TTC3: variants seen among roughly 807,000 people sequenced by gnomAD.
TTC3 encodes the protein E3 ubiquitin-protein ligase TTC3.
A neutral mutation model predicts 249.6 loss-of-function variants in TTC3; 180 were observed. The observed-to-expected ratio is 0.72, with a 90% CI of 0.64 to 0.82. The LOEUF (loss-of-function observed/expected upper bound fraction) is 0.82. Among genes scored for constraint, TTC3 ranks in the 40% least tolerant of loss-of-function variants. The pLI is 0.00. For synonymous variants in TTC3, 717 were observed against 805.0 expected (o/e 0.89, Z 1.85); for missense variants, 2,061 against 2,398.4 (o/e 0.86, Z 2.94).
chr21:37,110,313 A>G (rs1047856672), intron 11 of TTC3, among the ~76,000 whole-genome samples: 1 of 152,204 alleles, frequency 6.6e-6, no homozygotes, highest in African/African-American at 2.4e-5. Flanking sequence ...ACTTTGAAAA[A>G]AAATTAGATG....
chr21:37,096,350 A>G (rs2073941982), intron 9 of TTC3, among the ~76,000 whole-genome samples: 1 of 152,222 alleles, frequency 6.6e-6, no homozygotes, highest in African/African-American at 2.4e-5. Flanking sequence ...AACTAGAGTT[A>G]TCTTCATTTT....
At chr21:37,159,035 A>G (rs1031037330) in intron 28 of TTC3, among the ~76,000 whole-genome samples, 1 of 152,150 alleles carries the variant, frequency 6.6e-6, no homozygotes, top group Admixed American at 6.5e-5. Flanking sequence ...CAATTTGGGA[A>G]ACATTTGTTT....
chr21:37,077,465 C>T (rs920641287), intron 1 of TTC3, among the ~76,000 whole-genome samples: 1 of 152,164 alleles, frequency 6.6e-6, no homozygotes, highest in Non-Finnish European at 1.5e-5. Context: ...GAATGATCAG[C>T]TTTACAAAAT....
intron 23 of TTC3, 101 bp from the exon 24 acceptor site, chr21:37,149,977 C>T (rs775358567): frequency 1.6e-5 from 13 of 803,316 alleles, no homozygotes; most frequent in Non-Finnish European, 2.3e-5. Flanking sequence ...GGTTTTAGTC[C>T]GTATTTTGAC....
At chr21:37,076,545 G>T (rs962648365) in intron 1 of TTC3, among the ~76,000 whole-genome samples, 1 of 152,080 alleles carries the variant, frequency 6.6e-6, no homozygotes, top group African/African-American at 2.4e-5. Flanking sequence ...CCTAAAAATG[G>T]TAATGCCTGA....
At chr21:37,097,922 T>TC in intron 10 of TTC3, 1 of 713,180 alleles carries the variant, frequency 1.4e-6, no homozygotes, top group Non-Finnish European at 2.6e-6. Context: ...CAGAACACAT[T>TC]CTCATGGTAG....
intron 1 of TTC3, chr21:37,082,654 G>A (rs933426806): frequency 2.0e-5 from 20 of 985,116 alleles, no homozygotes; most frequent in Non-Finnish European, 2.4e-5. Flanking sequence ...CTTTTGCGTG[G>A]AGAGGGTGCC....
chr21:37,185,028 G>A (rs1054304936), intron 36 of TTC3, among the ~76,000 whole-genome samples: 1 of 152,162 alleles, frequency 6.6e-6, no homozygotes, highest in African/African-American at 2.4e-5. Context: ...GAGTGTCAGA[G>A]TGTCACCCAG....
chr21:37,156,691 G>C (rs2080123604), exon 28 of TTC3: 1 of 1,613,720 alleles, frequency 6.2e-7, no homozygotes. Context: ...TCTCGTTATG[G>C]AGCATCTCTT....
exon 42 of TTC3, chr21:37,195,708 G>C (rs1053966): frequency 0.55 from 883,515 of 1,612,922 alleles, 250,763 homozygotes; most frequent in African/African-American, 0.86. Context: ...GTCTTCAGGC[G>C]ACGATGGCCA....
chr21:37,139,871 C>T (rs554132694), intron 19 of TTC3, among the ~76,000 whole-genome samples: 24 of 152,246 alleles, frequency 1.6e-4, no homozygotes, highest in African/African-American at 5.5e-4. Context: ...GAGGACAGCC[C>T]TTGCTTCAAA....
At chr21:37,198,448 G>A (rs1376688957) in intron 44 of TTC3, among the ~76,000 whole-genome samples, 4 of 152,136 alleles carry the variant, frequency 2.6e-5, no homozygotes, top group African/African-American at 7.2e-5. Context: ...TCAATGTGTC[G>A]TGTGGCCACA....
intron 41 of TTC3, among the ~76,000 whole-genome samples, chr21:37,195,400 G>A (rs1194788529): frequency 6.6e-6 from 1 of 152,224 alleles, no homozygotes; most frequent in Non-Finnish European, 1.5e-5. Context: ...AGGAGGGCCA[G>A]TAGGCAGGCA....
exon 33 of TTC3, chr21:37,166,608 C>T: frequency 1.9e-6 from 3 of 1,609,584 alleles, no homozygotes; most frequent in Middle Eastern, 3.3e-4. Flanking sequence ...CAGATGGTTG[C>T]CATACAGGTA....
intron 17 of TTC3, among the ~76,000 whole-genome samples, chr21:37,134,083 T>C (rs2077705940): frequency 1.3e-5 from 2 of 152,198 alleles, no homozygotes; most frequent in African/African-American, 4.8e-5. Flanking sequence ...ATCGAGCTTT[T>C]AAGTTTTTCT....
intron 21 of TTC3, among the ~76,000 whole-genome samples, chr21:37,147,042 G>A (rs1601778619): frequency 6.6e-6 from 1 of 152,178 alleles, no homozygotes; most frequent in East Asian, 1.9e-4. Context: ...CAGTGGCAGA[G>A]CTGCAAGGAG....
At chr21:37,135,590 A>C in intron 18 of TTC3, 76 bp downstream of exon 18, 1 of 1,520,666 alleles carries the variant, frequency 6.6e-7, no homozygotes, top group Non-Finnish European at 8.9e-7. Context: ...CCAAGGGCTT[A>C]ACTCATTGTA....
intron 11 of TTC3, among the ~76,000 whole-genome samples, chr21:37,115,809 C>T (rs1018336817): frequency 6.6e-6 from 1 of 152,200 alleles, no homozygotes; most frequent in African/African-American, 2.4e-5. Flanking sequence ...ACTTGCCCTT[C>T]CCTCTGCCTA....
At chr21:37,158,233 T>TA in intron 28 of TTC3, 1 of 984,586 alleles carries the variant, frequency 1.0e-6, no homozygotes, top group African/African-American at 1.7e-5. Flanking sequence ...GGACTGAGCT[T>TA]ACAAAACCTG....
Sources: gnomAD v4.1 joint callset for allele counts (sites outside exome capture counted in the v4.1 genomes callset) on GRCh38, gnomAD v4.1.1 for gene constraint, MANE v1.5 for transcripts, NCBI Gene and HGNC (gene_info 2026-07-23, HGNC 2026-07-21) for gene names.